Variants in RGS3 observed in about 807,000 individuals in gnomAD.
RGS3 encodes the protein regulator of G-protein signalling 3.
A neutral mutation model predicts 132.6 loss-of-function variants in RGS3; 80 were observed. That is an observed-to-expected ratio of 0.60 (90% confidence interval 0.50 to 0.73). The LOEUF (loss-of-function observed/expected upper bound fraction) is 0.73, where lower values mean the gene tolerates loss of function less well. Ranked by LOEUF, RGS3 falls within the 30% of genes least tolerant of loss-of-function variation. RGS3 has a pLI of 0.00. For synonymous variants in RGS3, 598 were observed against 620.6 expected (o/e 0.96, Z 0.54); for missense variants, 1,382 against 1,530.8 (o/e 0.90, Z 1.62).
At chr9:113,581,930 C>T (rs1834835957) in intron 19 of RGS3, 1 of 683,172 alleles carries the variant, frequency 1.5e-6, no homozygotes, top group African/African-American at 1.9e-5. Flanking sequence ...TTGGCCAGAT[C>T]ACGCTAGAGT....
intron 7 of RGS3, among the ~76,000 whole-genome samples, chr9:113,490,385 T>C (rs939290730): frequency 6.6e-6 from 1 of 151,982 alleles, no homozygotes; most frequent in Non-Finnish European, 1.5e-5. Flanking sequence ...CATCGGTATA[T>C]ATTTCTAAAA....
intron 17 of RGS3, among the ~76,000 whole-genome samples, chr9:113,528,751 G>A (rs1832331115): frequency 6.6e-6 from 1 of 152,190 alleles, no homozygotes; most frequent in African/African-American, 2.4e-5. Context: ...TCTATGACAG[G>A]GTATCCACCT....
intron 9 of RGS3, 122 bp downstream of exon 7, chr9:113,497,526 G>A (rs1204552752): frequency 5.0e-6 from 4 of 800,552 alleles, no homozygotes; most frequent in Non-Finnish European, 8.0e-6. Flanking sequence ...CAGCCTGCTG[G>A]GTGCAGGGAC....
chr9:113,457,777 A>AT (rs1207564953), upstream of RGS3, among the ~76,000 whole-genome samples: 1 of 151,746 alleles, frequency 6.6e-6, no homozygotes, highest in African/African-American at 2.4e-5. Flanking sequence ...GGTGGGCCAG[A>AT]TTTTTTTTTC....
chr9:113,540,412 G>A (rs1832854253), intron 19 of RGS3, among the ~76,000 whole-genome samples: 3 of 152,176 alleles, frequency 2.0e-5, no homozygotes, highest in South Asian at 2.1e-4. Context: ...GGTCCCTGTC[G>A]CTATGGAATT....
chr9:113,590,402 A>T (rs1835358560), intron 20 of RGS3, among the ~76,000 whole-genome samples: 2 of 88,660 alleles, frequency 2.3e-5, no homozygotes, highest in Non-Finnish European at 4.1e-5. Flanking sequence ...TCTACCATCC[A>T]CCCACCCACC....
At chr9:113,577,651 T>C (rs1834593557) in intron 19 of RGS3, among the ~76,000 whole-genome samples, 1 of 152,190 alleles carries the variant, frequency 6.6e-6, no homozygotes, top group Non-Finnish European at 1.5e-5. Context: ...AGCTGTCCTC[T>C]GTGTCAGCAG....
At chr9:113,535,961 A>G (rs1245100126) in intron 18 of RGS3, among the ~76,000 whole-genome samples, 1 of 152,138 alleles carries the variant, frequency 6.6e-6, no homozygotes, top group Non-Finnish European at 1.5e-5. Flanking sequence ...TGCTTGTGCC[A>G]AAGCTGACCT....
intron 7 of RGS3, among the ~76,000 whole-genome samples, chr9:113,490,428 C>T (rs1480666751): frequency 6.6e-6 from 1 of 151,726 alleles, no homozygotes; most frequent in African/African-American, 2.4e-5. Flanking sequence ...ATGACATTAT[C>T]ACACTTAAAA....
exon 4 of RGS3, chr9:113,479,498 G>A: frequency 6.2e-7 from 1 of 1,614,218 alleles, no homozygotes; most frequent in Non-Finnish European, 8.5e-7. Flanking sequence ...TAGGTCAGCT[G>A]AGGCTGTCCA....
rs534362307 is a variant in RGS3, at chr9:113,585,272, T to C, written c.3015+845T>C. Among the ~76,000 whole-genome samples, 30 of 152,372 alleles carry C rather than the reference T, an allele frequency of 2.0e-4. 1 individual carries two copies. The highest frequency in any genetic ancestry group is 1.0e-3 in the Admixed American group (16 of 15,312). Reference sequence around the variant, plus strand: ...GGCTCTGTTTCTTACTATGTGGCTTTGGTTGAGTCACTCAACTCCTCTGAG... The same window carrying C: ...GGCTCTGTTTCTTACTATGTGGCTTCGGTTGAGTCACTCAACTCCTCTGAG... On this transcript the variant is annotated intron_variant, in intron 20 of 24. Transcript: ENST00000350696.
chr9:113,585,687 G>A (rs554418871), intron 20 of RGS3, among the ~76,000 whole-genome samples: 1 of 152,358 alleles, frequency 6.6e-6, no homozygotes, highest in Non-Finnish European at 1.5e-5. Context: ...TTCCTAAAGG[G>A]CAGATGCCTG....
rs189229752 is a variant in RGS3, at chr9:113,489,249, A to G, written c.689+3556A>G. Among the ~76,000 whole-genome samples, 4 of 152,302 alleles carry G rather than the reference A, an allele frequency of 2.6e-5. No homozygotes were observed. In the East Asian group the frequency reaches 5.8e-4, roughly 22 times the overall value. ...CTCGTTCTCCAATTTAACCCTCACA[A>G]CAACATAAGAGGTAGGTATTATTAT... On this transcript the variant is annotated intron_variant, in intron 7 of 24. Coordinates refer to ENST00000350696, the Ensembl canonical transcript of RGS3.
At chr9:113,483,946 C>T (rs1361406347) in intron 5 of RGS3, among the ~76,000 whole-genome samples, 192 bp from the exon 4 acceptor site, 1 of 152,174 alleles carries the variant, frequency 6.6e-6, no homozygotes, top group Non-Finnish European at 1.5e-5. Flanking sequence ...GTCCTGGCAT[C>T]TGCCTCCAAT....
chr9:113,500,515 G>A (rs1463395357), intron 10 of RGS3, among the ~76,000 whole-genome samples: 1 of 152,080 alleles, frequency 6.6e-6, no homozygotes. Context: ...GCCCCACACT[G>A]CCCTGCTGTT....
At chr9:113,485,588 C>T (rs765939673) in intron 6 of RGS3, 37 bp from the exon 5 acceptor site, 44 of 1,547,088 alleles carry the variant, frequency 2.8e-5, no homozygotes, top group Non-Finnish European at 3.6e-5. Context: ...GGAGCTCAGC[C>T]CTTACTAACA....
intron 1 of RGS3, among the ~76,000 whole-genome samples, chr9:113,451,701 A>G (rs958468100): frequency 3.3e-5 from 5 of 151,754 alleles, no homozygotes; most frequent in Admixed American, 1.3e-4. Context: ...TTTTAAGTCA[A>G]TGGTTCCTAT....
intron 18 of RGS3, among the ~76,000 whole-genome samples, chr9:113,535,089 C>T (rs1832624544): frequency 6.6e-6 from 1 of 152,176 alleles, no homozygotes. Context: ...TCATTTACCT[C>T]TTTATTTCCA....
intron 3 of RGS3, among the ~76,000 whole-genome samples, chr9:113,464,690 C>T (rs1456924986): frequency 2.0e-5 from 3 of 152,170 alleles, no homozygotes; most frequent in East Asian, 1.9e-4. Context: ...TGGCAGAGTT[C>T]GTAGCTGAGC....
Sources: gnomAD v4.1 joint callset for allele counts (sites outside exome capture counted in the v4.1 genomes callset) on GRCh38, gnomAD v4.1.1 for gene constraint, MANE v1.5 for transcripts, NCBI Gene and HGNC (gene_info 2026-07-23, HGNC 2026-07-21) for gene names.